ETV1: variants seen among roughly 807,000 people sequenced by gnomAD.
ETV1 encodes the protein ETS variant transcription factor 1.
In ETV1, 27 loss-of-function variants were observed where a neutral mutation model predicts 62.3. The observed-to-expected ratio is 0.43, with a 90% confidence interval of 0.32 to 0.60. The LOEUF (loss-of-function observed/expected upper bound fraction) is 0.60, where lower values mean the gene tolerates loss of function less well. ETV1 is among the 20% of genes least tolerant of loss of function. The pLI is 0.06. For missense variants in ETV1, 605 were observed against 605.8 expected (o/e 1.00, Z 0.01); for synonymous variants, 222 against 199.6 (o/e 1.11, Z -0.94).
rs894870275 is a variant in ETV1 at position 13,989,339 on chromosome 7, G to A, written c.-159C>T. 4 of 506,322 alleles carry A rather than the reference G, an allele frequency of 7.9e-6. No homozygotes were observed. The Admixed American group carries it at 1.1e-4, about 14-fold the overall frequency. 31.4% of individuals were successfully genotyped at this position (506,322 alleles called of 1,614,324 possible). A position where few individuals can be genotyped will look rare whatever the true frequency, so the allele number is the denominator to read the frequency against. ...GTAGTAGCAAAAATCCGAACAAGAG[G>A]CGATGTATTTATTTACACTCTCGAT... On this transcript the variant is annotated 5_prime_UTR_variant, in exon 2 of 14. Coordinates refer to ENST00000430479, the MANE Select transcript of ETV1 (RefSeq NM_004956.5).
intron 7 of ETV1, 30 bp from the exon 8 acceptor site, chr7:13,935,926 T>C (rs746462215): frequency 6.6e-7 from 1 of 1,511,734 alleles, no homozygotes; most frequent in Non-Finnish European, 9.0e-7. Flanking sequence ...AGAGAGAACA[T>C]TTCTTTCTTT....
chr7:13,943,247 A>G (rs898116728), intron 6 of ETV1, among the ~76,000 whole-genome samples: 3 of 152,218 alleles, frequency 2.0e-5, no homozygotes, highest in Non-Finnish European at 4.4e-5. Context: ...ATGCAAAGGT[A>G]TTTAAAATCT....
At chr7:13,900,910 A>G (rs1314152734) in intron 12 of ETV1, 71 bp from the exon 13 acceptor site, 1 of 1,048,794 alleles carries the variant, frequency 9.5e-7, no homozygotes, top group East Asian at 2.7e-5. Context: ...AAATTATTTA[A>G]TTAATTACTT....
chr7:13,938,867 A>C (rs1787123030), intron 7 of ETV1, among the ~76,000 whole-genome samples: 1 of 152,180 alleles, frequency 6.6e-6, no homozygotes, highest in Non-Finnish European at 1.5e-5. Context: ...CCCTTTTTCA[A>C]ACCCAAGATG....
intron 11 of ETV1, chr7:13,907,878 G>T (rs569795178): frequency 2.1e-6 from 1 of 469,330 alleles, no homozygotes; most frequent in African/African-American, 2.0e-5. Flanking sequence ...TATAAAATGT[G>T]TGAGTCAATA....
intron 9 of ETV1, among the ~76,000 whole-genome samples, chr7:13,912,747 G>A (rs1783686998): frequency 1.3e-5 from 2 of 152,138 alleles, no homozygotes; most frequent in South Asian, 4.1e-4. Context: ...TAAAATTGGT[G>A]TCCTTTATAC....
chr7:13,986,007 C>G (rs879889079), intron 5 of ETV1: 3 of 887,050 alleles, frequency 3.4e-6, no homozygotes, highest in African/African-American at 3.4e-5. Context: ...TAGCAAAGGT[C>G]AATTTCAGCA....
chr7:13,955,364 CTG>C (rs1789297483), intron 6 of ETV1, among the ~76,000 whole-genome samples: 1 of 152,134 alleles, frequency 6.6e-6, no homozygotes, highest in African/African-American at 2.4e-5. Flanking sequence ...AAAGTAAAGA[CTG>C]TGATTGGGCA....
chr7:13,943,726 T>G (rs1787823183), intron 6 of ETV1, among the ~76,000 whole-genome samples: 1 of 152,118 alleles, frequency 6.6e-6, no homozygotes, highest in South Asian at 2.1e-4. Flanking sequence ...ATCTCACAGG[T>G]ACAAAGTTAC....
In ETV1 at chr7:13,988,220, TCACACACACGCACACGCGCGCG is replaced by T. The variant is rs762528205; in HGVS notation, c.46-69_46-48del. On this transcript the variant is annotated intron_variant, in intron 3 of 13. Transcript: ENST00000430479. ...CCTTTAAAAGAATGTAAACCTCAGA[TCACACACACGCACACGCGCGCG>T]CACACACACACACACAGACATGCAT... The T allele has an allele frequency of 3.0e-5, 37 of 1,249,562 alleles. No individual in the cohort carries two copies. The Admixed American group carries it at 6.2e-4, about 21-fold the overall frequency. 77.4% of individuals were successfully genotyped at this position (1,249,562 alleles called of 1,614,324 possible). A position where few individuals can be genotyped will look rare whatever the true frequency, so the allele number is the denominator to read the frequency against.
chr7:13,909,401 T>A (rs1296543209), intron 11 of ETV1, among the ~76,000 whole-genome samples: 5 of 152,142 alleles, frequency 3.3e-5, no homozygotes, highest in Admixed American at 1.3e-4. Flanking sequence ...AGAATGATGC[T>A]CTTTGTCTAT....
At chr7:13,914,366 T>C (rs1783911124) in intron 9 of ETV1, among the ~76,000 whole-genome samples, 1 of 152,156 alleles carries the variant, frequency 6.6e-6, no homozygotes, top group African/African-American at 2.4e-5. Flanking sequence ...ATATTAGTAC[T>C]GGCCAAATCA....
At chr7:13,923,465 G>T (rs985152870) in intron 9 of ETV1, among the ~76,000 whole-genome samples, 1 of 152,044 alleles carries the variant, frequency 6.6e-6, no homozygotes, top group African/African-American at 2.4e-5. Context: ...TGCCAGCTTG[G>T]GCCTATGTGA....
chr7:13,916,809 G>A (rs1784228297), intron 9 of ETV1, among the ~76,000 whole-genome samples: 1 of 152,034 alleles, frequency 6.6e-6, no homozygotes, highest in Non-Finnish European at 1.5e-5. Context: ...GCACACACCT[G>A]TAGTGCCAGC....
At chr7:13,927,998 G>A (rs959860365) in intron 9 of ETV1, among the ~76,000 whole-genome samples, 1 of 152,098 alleles carries the variant, frequency 6.6e-6, no homozygotes, top group Non-Finnish European at 1.5e-5. Context: ...TAATCTGCAA[G>A]ACATGGCATA....
At chr7:13,909,764 T>G in intron 10 of ETV1, 64 bp from the exon 11 acceptor site, 1 of 1,304,822 alleles carries the variant, frequency 7.7e-7, no homozygotes. Context: ...ACTTAAAATA[T>G]AACCATTTAA....
chr7:13,975,911 T>G (rs1449150654), intron 6 of ETV1, among the ~76,000 whole-genome samples: 1 of 152,230 alleles, frequency 6.6e-6, no homozygotes, highest in Non-Finnish European at 1.5e-5. Flanking sequence ...CGAGATTAAT[T>G]CTTTTACTCA....
At chr7:13,896,372 A>C (rs1255021091) in intron 13 of ETV1, among the ~76,000 whole-genome samples, 1 of 152,204 alleles carries the variant, frequency 6.6e-6, no homozygotes, top group Non-Finnish European at 1.5e-5. Flanking sequence ...CTTAATATAG[A>C]GGTAAACTTA....
chr7:13,907,952 G>A (rs2128416060), intron 11 of ETV1: 3 of 374,116 alleles, frequency 8.0e-6, no homozygotes, highest in Non-Finnish European at 1.6e-5. Context: ...TCTTCATATC[G>A]ATTTCAATGA....
Sources: gnomAD v4.1 joint callset for allele counts (sites outside exome capture counted in the v4.1 genomes callset) on GRCh38, gnomAD v4.1.1 for gene constraint, MANE v1.5 for transcripts, NCBI Gene and HGNC (gene_info 2026-07-23, HGNC 2026-07-21) for gene names.